The following ADCY2 variants were observed in gnomAD, a reference collection of about 807,000 sequenced individuals.
ADCY2 encodes adenylate cyclase type 2.
ADCY2 carries 31 observed loss-of-function variants against 125.2 expected under a neutral mutation model. That is an observed-to-expected ratio of 0.25 (90% confidence interval 0.19 to 0.33). The LOEUF (loss-of-function observed/expected upper bound fraction) is 0.33, where lower values mean the gene tolerates loss of function less well. ADCY2 is among the 10% of genes least tolerant of loss of function. ADCY2 has a pLI of 1.00. For synonymous variants in ADCY2, 512 were observed against 548.4 expected, an observed-to-expected ratio of 0.93 and a Z score of 0.93; for missense variants, 904 against 1,418.2, an observed-to-expected ratio of 0.64 and a Z score of 5.82.
intron 23 of ADCY2, among the ~76,000 whole-genome samples, chr5:7,817,404 C>T (rs562327214): frequency 1.1e-4 from 16 of 152,228 alleles, no homozygotes; most frequent in Non-Finnish European, 1.6e-4. Flanking sequence ...CAATACAGTT[C>T]CATCTTCCTG....
intron 2 of ADCY2, among the ~76,000 whole-genome samples, chr5:7,428,455 C>A (rs1345806610): frequency 6.6e-6 from 1 of 152,166 alleles, no homozygotes; most frequent in Non-Finnish European, 1.5e-5. Context: ...TTTTCATTTG[C>A]TTAAGTTCAG....
chr5:7,717,313 T>C (rs1048337631), intron 12 of ADCY2, 76 bp downstream of exon 12: 2 of 1,026,426 alleles, frequency 1.9e-6, no homozygotes, highest in African/African-American at 1.6e-5. Context: ...GGCTCTGCAA[T>C]AGTTACCATG....
intron 2 of ADCY2, among the ~76,000 whole-genome samples, chr5:7,452,160 G>T (rs1741498131): frequency 6.6e-6 from 1 of 152,110 alleles, no homozygotes; most frequent in Non-Finnish European, 1.5e-5. Flanking sequence ...TGATCTGCCT[G>T]CCTCAGCCTC....
chr5:7,552,491 A>C (rs1019741487), intron 3 of ADCY2, among the ~76,000 whole-genome samples: 1 of 152,218 alleles, frequency 6.6e-6, no homozygotes, highest in African/African-American at 2.4e-5. Context: ...ATTTAAGAAT[A>C]TTAGAAGAAA....
At chr5:7,579,876 G>A (rs57868897) in intron 3 of ADCY2, among the ~76,000 whole-genome samples, 2,607 of 152,290 alleles carry the variant, frequency 0.017, 44 homozygotes, top group South Asian at 0.097. Flanking sequence ...GTGGCCACCA[G>A]CATTGGATTG....
At chr5:7,495,593 T>C (rs1344634978) in intron 2 of ADCY2, among the ~76,000 whole-genome samples, 1 of 152,214 alleles carries the variant, frequency 6.6e-6, no homozygotes, top group Non-Finnish European at 1.5e-5. Flanking sequence ...GCTTTTAATC[T>C]TGAGGAGACT....
chr5:7,495,305 G>C (rs370659173), intron 2 of ADCY2, among the ~76,000 whole-genome samples: 4 of 152,138 alleles, frequency 2.6e-5, no homozygotes. Flanking sequence ...GCCAGGAAAC[G>C]CCTGTATCTC....
chr5:7,550,768 C>G (rs1299308769), intron 3 of ADCY2, among the ~76,000 whole-genome samples: 1 of 152,134 alleles, frequency 6.6e-6, no homozygotes, highest in Non-Finnish European at 1.5e-5. Flanking sequence ...TGCCCTTCAT[C>G]CTCACCTGTG....
At chr5:7,517,268 CTT>C (rs988753705) in intron 2 of ADCY2, among the ~76,000 whole-genome samples, 9 of 152,278 alleles carry the variant, frequency 5.9e-5, no homozygotes, top group African/African-American at 1.9e-4. Flanking sequence ...GCTCTGCACT[CTT>C]TAGCCTCTGG....
chr5:7,424,610 C>T (rs558161990), intron 2 of ADCY2, among the ~76,000 whole-genome samples: 4 of 152,304 alleles, frequency 2.6e-5, no homozygotes, highest in African/African-American at 7.2e-5. Flanking sequence ...GGAAAAACTT[C>T]GTGGGGAGGG....
intron 24 of ADCY2, among the ~76,000 whole-genome samples, chr5:7,825,221 CGCCACGACAACGCTGCTGTGT>C (rs1553993140): frequency 2.8e-5 from 4 of 143,532 alleles, no homozygotes; most frequent in Admixed American, 2.0e-4. Flanking sequence ...CGCTGCTGTG[CGCCACGACAACGCTGCTGTGT>C]GACATGACAA....
At chr5:7,517,965 T>C (rs1037296934) in intron 2 of ADCY2, among the ~76,000 whole-genome samples, 3 of 152,364 alleles carry the variant, frequency 2.0e-5, no homozygotes, top group African/African-American at 7.2e-5. Flanking sequence ...ATTCATTTAA[T>C]ACCTGTTGTG....
chr5:7,508,617 G>T (rs1322473455), intron 2 of ADCY2, among the ~76,000 whole-genome samples: 2 of 152,120 alleles, frequency 1.3e-5, no homozygotes, highest in African/African-American at 4.8e-5. Context: ...AGGTGTTGTT[G>T]CCACCCATAT....
At chr5:7,692,211 T>C (rs1740727001) in intron 5 of ADCY2, 1 of 152,218 alleles carries the variant, frequency 6.6e-6, no homozygotes, top group Non-Finnish European at 1.5e-5. Flanking sequence ...AGAGCCAGGC[T>C]GCTTCAGGTC....
intron 2 of ADCY2, among the ~76,000 whole-genome samples, chr5:7,491,975 G>A (rs1743180167): frequency 6.6e-6 from 1 of 152,220 alleles, no homozygotes; most frequent in African/African-American, 2.4e-5. Flanking sequence ...CTGTTGCACA[G>A]CACTGAGTAA....
chr5:7,712,723 A>G lies in ADCY2; in HGVS notation c.1579-133A>G, dbSNP rs139825947. The stretch of plus-strand genomic sequence containing the variant: ...TTAGGATTAAGCTCTTTTTCTCCAC[A>G]TGAGTAATTAATTATTTGTTAGTTA... On this transcript the variant is annotated intron_variant, in intron 10 of 24. Transcript: ENST00000338316. The G allele has an allele frequency of 1.2e-3, 822 of 667,950 alleles. 2 individuals are homozygous for G. The African/African-American group carries it at 0.014, about 11-fold the overall frequency. 41.4% of individuals were successfully genotyped at this position (667,950 alleles called of 1,614,324 possible).
chr5:7,599,716 T>C (rs982355505), intron 3 of ADCY2, among the ~76,000 whole-genome samples: 2 of 152,048 alleles, frequency 1.3e-5, no homozygotes, highest in African/African-American at 4.8e-5. Context: ...CCTAGAGGGT[T>C]TCAAGGTGTG....
intron 3 of ADCY2, among the ~76,000 whole-genome samples, chr5:7,613,022 ACT>A (rs1737620927): frequency 6.6e-6 from 1 of 152,026 alleles, no homozygotes; most frequent in Admixed American, 6.6e-5. Flanking sequence ...ACAGAGTGAG[ACT>A]CTGACTCAAA....
intron 4 of ADCY2, among the ~76,000 whole-genome samples, chr5:7,628,143 G>A (rs1738196052): frequency 6.6e-6 from 1 of 152,146 alleles, no homozygotes; most frequent in Admixed American, 6.5e-5. Flanking sequence ...GCACTCATGG[G>A]TGGTCCTGCT....
Sources: allele counts gnomAD v4.1 joint callset (sites outside exome capture counted in the v4.1 genomes callset), GRCh38; gene constraint gnomAD v4.1.1; transcripts MANE v1.5; gene names NCBI Gene and HGNC (gene_info 2026-07-23, HGNC 2026-07-21).